The following WDR27 variants were observed in gnomAD, a reference collection of about 807,000 sequenced individuals.
WDR27 encodes the protein WD repeat domain 27.
Under a neutral mutation model 114.4 loss-of-function variants are expected in WDR27, and 100 were observed. The ratio of observed to expected loss-of-function variants is 0.87; its 90% confidence interval spans 0.74 to 1.03. The LOEUF (loss-of-function observed/expected upper bound fraction) is 1.03. Among genes scored for constraint, WDR27 ranks in the 50% least tolerant of loss-of-function variants. The pLI is 0.00. For missense variants in WDR27, 1,129 were observed against 1,092.9 expected (o/e 1.03, Z -0.47); for synonymous variants, 449 against 423.1 (o/e 1.06, Z -0.75).
intron 25 of WDR27, among the ~76,000 whole-genome samples, chr6:169,464,489 A>G (rs1293165918): frequency 6.6e-6 from 1 of 152,240 alleles, no homozygotes; most frequent in African/African-American, 2.4e-5. Flanking sequence ...TCTATTGGAT[A>G]TGACAACAAA....
intron 2 of WDR27, among the ~76,000 whole-genome samples, chr6:169,685,480 G>A (rs1360162404): frequency 6.6e-6 from 1 of 152,028 alleles, no homozygotes; most frequent in Non-Finnish European, 1.5e-5. Context: ...ATATGAATGA[G>A]AAATTCAACA....
intron 2 of WDR27, among the ~76,000 whole-genome samples, chr6:169,677,559 C>T (rs906089942): frequency 6.6e-6 from 1 of 152,236 alleles, no homozygotes; most frequent in Non-Finnish European, 1.5e-5. Context: ...CAAAAAGTAA[C>T]TGTTTTTGGT....
At chr6:169,515,000 T>C (rs952650804) in intron 25 of WDR27, among the ~76,000 whole-genome samples, 19 of 152,184 alleles carry the variant, frequency 1.2e-4, no homozygotes, top group African/African-American at 4.6e-4. Context: ...ACCACTTGCA[T>C]TTAATACTAA....
chr6:169,459,852 T>A (rs1784713831), intron 25 of WDR27, among the ~76,000 whole-genome samples: 1 of 152,064 alleles, frequency 6.6e-6, no homozygotes. Flanking sequence ...AAGAATCTTA[T>A]ACCAGCAAAG....
chr6:169,557,098 T>C (rs79212718), intron 25 of WDR27, among the ~76,000 whole-genome samples: 3,355 of 152,254 alleles, frequency 0.022, 64 homozygotes, highest in Non-Finnish European at 0.034. Context: ...TGTACAAGAA[T>C]TTTTATGGCA....
intron 21 of WDR27, among the ~76,000 whole-genome samples, chr6:169,616,227 ACACCTGTAATCC>A (rs1238704757): frequency 1.3e-5 from 2 of 152,196 alleles, no homozygotes; most frequent in Non-Finnish European, 2.9e-5. Context: ...GCAGTGGCTC[ACACCTGTAATCC>A]CAAGTGTTGG....
intron 13 of WDR27, among the ~76,000 whole-genome samples, chr6:169,653,368 A>G (rs376732447): frequency 1.3e-5 from 2 of 152,242 alleles, no homozygotes; most frequent in South Asian, 4.1e-4. Context: ...ATGTGAGGGT[A>G]TGGAATCCCA....
intron 25 of WDR27, among the ~76,000 whole-genome samples, chr6:169,557,982 T>C (rs1799156762): frequency 6.6e-6 from 1 of 152,152 alleles, no homozygotes; most frequent in African/African-American, 2.4e-5. Flanking sequence ...TAAAGCCCTC[T>C]TAACTTTATA....
chr6:169,467,165 C>T (rs796288608), intron 25 of WDR27, among the ~76,000 whole-genome samples: 4 of 152,336 alleles, frequency 2.6e-5, no homozygotes, highest in South Asian at 2.1e-4. Flanking sequence ...TAGCTCCACC[C>T]CTGTGGCTTT....
chr6:169,541,541 C>T lies in WDR27; in HGVS notation c.2645+30878G>A, dbSNP rs376935235. Among the ~76,000 whole-genome samples, 89 of 152,322 alleles carry T rather than the reference C, an allele frequency of 5.8e-4. 2 individuals carry two copies. The East Asian group carries it at 0.014, about 25-fold the overall frequency. ...AACCAGCCAGCCTGGCCTTCAGGCACGAGGCCATAGAAAAGTAGCTTTAAC... is the reference window on the plus strand; with the variant it reads ...AACCAGCCAGCCTGGCCTTCAGGCATGAGGCCATAGAAAAGTAGCTTTAAC... On this transcript the variant is annotated intron_variant, in intron 25 of 25. Transcript: ENST00000448612.
chr6:169,643,470 C>T (rs9396947), intron 17 of WDR27, among the ~76,000 whole-genome samples: 1 of 152,180 alleles, frequency 6.6e-6, no homozygotes, highest in Non-Finnish European at 1.5e-5. Context: ...TGGCTCTTGG[C>T]CTCCAGGGCA....
chr6:169,679,100 T>C (rs1213603334), intron 2 of WDR27, among the ~76,000 whole-genome samples: 2 of 152,230 alleles, frequency 1.3e-5, no homozygotes, highest in African/African-American at 2.4e-5. Context: ...TGTTTAAATT[T>C]ACCTATAGCC....
chr6:169,626,892 G>A (rs1028252963), intron 21 of WDR27, among the ~76,000 whole-genome samples: 1 of 152,250 alleles, frequency 6.6e-6, no homozygotes, highest in Non-Finnish European at 1.5e-5. Flanking sequence ...GACGCCAACA[G>A]CACCACTGGG....
chr6:169,649,202 C>G lies in WDR27; in HGVS notation c.1555G>C (p.Ala519Pro). The G allele has an allele frequency of 6.4e-7, 1 of 1,569,954 alleles. No homozygotes were observed. The highest frequency in any genetic ancestry group is 8.6e-7 in the Non-Finnish European group (1 of 1,156,692). Residue 519 changes from alanine (A) to proline (P), a missense_variant, in exon 15 of 26, where the codon GCA becomes CCA. Physicochemically the swap from Ala to Pro is conservative, Grantham distance 27. Transcript: ENST00000448612. ...KGSSRSRSSC[A>P]REAYPVECAV... is the part of the protein sequence containing the mutation. ...AATGCACGCTACATCACACACCGTG[C>G]GCAGCTGCTCCTGCTCCTTGAAGAT...
intron 14 of WDR27, among the ~76,000 whole-genome samples, chr6:169,651,318 C>A (rs1204839090): frequency 6.6e-6 from 1 of 151,782 alleles, no homozygotes; most frequent in Non-Finnish European, 1.5e-5. Context: ...CCATTTTGGC[C>A]GCTATGTTAA....
chr6:169,482,639 T>C (rs369388965), intron 25 of WDR27, among the ~76,000 whole-genome samples: 19 of 152,202 alleles, frequency 1.2e-4, no homozygotes, highest in African/African-American at 4.1e-4. Flanking sequence ...GGCAGAAAAT[T>C]AACAAAGATA....
At chr6:169,550,968 G>A (rs564127756) in intron 25 of WDR27, among the ~76,000 whole-genome samples, 73 of 152,084 alleles carry the variant, frequency 4.8e-4, no homozygotes, top group African/African-American at 1.6e-3. Context: ...TGCCTACCTC[G>A]GCCTCTCAAA....
chr6:169,501,389 C>T (rs1463059642), intron 25 of WDR27, among the ~76,000 whole-genome samples: 1 of 152,182 alleles, frequency 6.6e-6, no homozygotes, highest in East Asian at 1.9e-4. Context: ...GGGAGTCACG[C>T]GGCTTTAAGG....
At chr6:169,503,108 C>G (rs1373052827) in intron 25 of WDR27, among the ~76,000 whole-genome samples, 1 of 152,042 alleles carries the variant, frequency 6.6e-6, no homozygotes, top group African/African-American at 2.4e-5. Flanking sequence ...AGCAAGACAC[C>G]CTCTGCCATG....
Sources: gnomAD v4.1 joint callset for allele counts (sites outside exome capture counted in the v4.1 genomes callset) on GRCh38, gnomAD v4.1.1 for gene constraint, MANE v1.5 for transcripts, NCBI Gene and HGNC (gene_info 2026-07-23, HGNC 2026-07-21) for gene names.